PRDM16: variants seen among roughly 807,000 people sequenced by gnomAD.
PRDM16 encodes histone-lysine N-methyltransferase PRDM16.
PRDM16 carries 23 observed loss-of-function variants against 110.6 expected under a neutral mutation model. That is an observed-to-expected ratio of 0.21 (90% CI 0.15 to 0.29). The LOEUF is 0.29. Among genes scored for constraint, PRDM16 ranks in the 10% least tolerant of loss-of-function variants. The pLI, the probability that PRDM16 is intolerant of heterozygous loss-of-function variation, is 1.00. For missense variants in PRDM16, 1,615 were observed against 1,794.3 expected (o/e 0.90, Z 1.81); for synonymous variants, 799 against 781.8 (o/e 1.02, Z -0.37).
Position 3,411,729 on chromosome 1 carries a change from C to G in PRDM16, c.1532C>G (p.Thr511Ser). ...STAPPTFPAL[T>S]PGFPGIFPPS... ...GCGCCTCCCACGTTCCCCGCACTCA[C>G]CCCCGGCTTCCCGGGCATCTTCCCT... The change falls in exon 9 of 17, where the codon ACC becomes AGC. Residue 511 changes from threonine to serine, a missense_variant. By Grantham distance (58) the Thr-to-Ser change is moderately conservative (BLOSUM62 1). Coordinates refer to ENST00000270722, the MANE Select transcript of PRDM16 (RefSeq NM_022114.4). 6.2e-7 allele frequency: 1 copy of G among 1,610,838 alleles called. No homozygotes were observed. The highest frequency in any genetic ancestry group is 8.5e-7 in the Non-Finnish European group (1 of 1,178,504).
intron 3 of PRDM16, among the ~76,000 whole-genome samples, chr1:3,321,935 G>A (rs979232093): frequency 6.6e-6 from 1 of 151,618 alleles, no homozygotes; most frequent in Non-Finnish European, 1.5e-5. Context: ...ACATATGCGT[G>A]TATGTTTGGC....
At chr1:3,134,712 T>C (rs1643401803) in intron 1 of PRDM16, among the ~76,000 whole-genome samples, 1 of 152,250 alleles carries the variant, frequency 6.6e-6, no homozygotes, top group Admixed American at 6.5e-5. Context: ...AAAGTGAAGA[T>C]TAAACTTAAA....
intron 2 of PRDM16, among the ~76,000 whole-genome samples, chr1:3,211,217 G>C (rs1233198177): frequency 6.6e-6 from 1 of 152,228 alleles, no homozygotes; most frequent in Non-Finnish European, 1.5e-5. Flanking sequence ...ACACAGGTCT[G>C]TTGAGAGCCT....
intron 2 of PRDM16, among the ~76,000 whole-genome samples, chr1:3,226,063 C>G (rs1639282672): frequency 6.6e-6 from 1 of 152,242 alleles, no homozygotes; most frequent in Admixed American, 6.5e-5. Flanking sequence ...GCAGGCAGCC[C>G]TCCCAGGACC....
intron 1 of PRDM16, among the ~76,000 whole-genome samples, chr1:3,120,656 C>A (rs570718238): frequency 6.6e-6 from 1 of 152,198 alleles, no homozygotes; most frequent in Non-Finnish European, 1.5e-5. Context: ...CCTGCCCTTG[C>A]GTCTCTGCGC....
intron 1 of PRDM16, among the ~76,000 whole-genome samples, chr1:3,161,748 G>A (rs942019261): frequency 6.6e-6 from 1 of 152,228 alleles, no homozygotes; most frequent in Non-Finnish European, 1.5e-5. Context: ...TTGGTGGAGG[G>A]ATTTTTGCGG....
intron 2 of PRDM16, among the ~76,000 whole-genome samples, chr1:3,227,860 G>T (rs1639325628): frequency 6.6e-6 from 1 of 152,238 alleles, no homozygotes; most frequent in Non-Finnish European, 1.5e-5. Context: ...TGGGCAGCCA[G>T]GGGCTTTAGA....
intron 3 of PRDM16, among the ~76,000 whole-genome samples, chr1:3,367,974 A>G (rs1487683754): frequency 6.6e-6 from 1 of 152,262 alleles, no homozygotes; most frequent in Non-Finnish European, 1.5e-5. Context: ...ACGTAAAAGT[A>G]AAGTCATCAT....
chr1:3,200,908 C>CAGAGGAGGAAG (rs772736290), intron 2 of PRDM16, among the ~76,000 whole-genome samples: 2 of 148,830 alleles, frequency 1.3e-5, no homozygotes, highest in South Asian at 4.2e-4. Flanking sequence ...GAACCGGGGG[C>CAGAGGAGGAAG]AGAGGAGGAA....
chr1:3,119,435 C>T (rs1643041561), intron 1 of PRDM16, among the ~76,000 whole-genome samples: 1 of 152,242 alleles, frequency 6.6e-6, no homozygotes, highest in African/African-American at 2.4e-5. Flanking sequence ...CCCTGGCCTC[C>T]ACAGCCGCCT....
At position 3,131,718 on chromosome 1, in the gene PRDM16, G is replaced by A. The variant is rs188493737; in HGVS notation, c.38-54407G>A. On this transcript the variant is annotated intron_variant, in intron 1 of 16. Transcript: ENST00000270722. The stretch of plus-strand genomic sequence containing the variant: ...GATAAGCTGAGGCATCCCCATTTGA[G>A]GCTGAGGTGATGGTGTGGTGCAGGC... Among the ~76,000 whole-genome samples the A allele has an allele frequency of 5.0e-3, 758 of 152,330 alleles. 4 individuals carry two copies. The highest frequency in any genetic ancestry group is 7.7e-3 in the Non-Finnish European group (524 of 68,032).
intron 3 of PRDM16, among the ~76,000 whole-genome samples, chr1:3,274,013 A>G (rs1206187972): frequency 6.6e-6 from 1 of 150,790 alleles, no homozygotes; most frequent in Non-Finnish European, 1.5e-5. Flanking sequence ...ACTGAAAGGG[A>G]ACCAGCCGCA....
At position 3,245,761 on chromosome 1, in the gene PRDM16, G is replaced by A. The variant is rs541662523; in HGVS notation, c.438+1624G>A. On this transcript the variant is annotated intron_variant, in intron 3 of 16. Transcript: ENST00000270722. This position sits in a 1 kb window ranked among gnomAD's most constrained non-coding sequence, Gnocchi z 4.7. ...TTTTCTTAAAGGACATAGAGGAGCAGGAAACAGTTAGCAGCGCTGCTGTAT... is the reference window on the plus strand; with the variant it reads ...TTTTCTTAAAGGACATAGAGGAGCAAGAAACAGTTAGCAGCGCTGCTGTAT... Among the ~76,000 whole-genome samples the A allele has an allele frequency of 1.4e-3, 210 of 152,254 alleles. No homozygotes were observed. The highest frequency in any genetic ancestry group is 4.8e-3 in the African/African-American group (200 of 41,526).
At chr1:3,269,265 G>A (rs1276952219) in intron 3 of PRDM16, among the ~76,000 whole-genome samples, 1 of 152,244 alleles carries the variant, frequency 6.6e-6, no homozygotes, top group Non-Finnish European at 1.5e-5. Context: ...AATCCCGGAG[G>A]AGGACAGTCG....
At chr1:3,247,654 G>A (rs1639819162) in intron 3 of PRDM16, among the ~76,000 whole-genome samples, 1 of 152,218 alleles carries the variant, frequency 6.6e-6, no homozygotes, top group Admixed American at 6.5e-5. Context: ...CGTTCACTCC[G>A]CAGCCCTTGC....
chr1:3,277,740 C>T (rs551349584), intron 3 of PRDM16, among the ~76,000 whole-genome samples: 108 of 147,726 alleles, frequency 7.3e-4, no homozygotes, highest in African/African-American at 2.4e-3. Context: ...CGCGCACACA[C>T]GCACACGCAC....
chr1:3,310,835 T>A (rs892990098), intron 3 of PRDM16, among the ~76,000 whole-genome samples: 3 of 152,086 alleles, frequency 2.0e-5, no homozygotes, highest in Admixed American at 6.5e-5. Context: ...CTGGTGTGGA[T>A]TGTGCATATG....
chr1:3,155,425 G>A (rs552776036), intron 1 of PRDM16, among the ~76,000 whole-genome samples: 1 of 152,386 alleles, frequency 6.6e-6, no homozygotes, highest in Admixed American at 6.5e-5. Flanking sequence ...TTATCTGCGT[G>A]GTTGGTGGTA....
intron 3 of PRDM16, among the ~76,000 whole-genome samples, chr1:3,320,651 G>A (rs952250240): frequency 2.0e-5 from 3 of 152,190 alleles, no homozygotes; most frequent in African/African-American, 7.2e-5. Flanking sequence ...TCACGCTGTT[G>A]GAAAGCCCAG....
Sources: gnomAD v4.1 joint callset for allele counts (sites outside exome capture counted in the v4.1 genomes callset) on GRCh38, gnomAD v4.1.1 for gene constraint, Gnocchi (gnomAD v3.1) non-coding constraint, MANE v1.5 for transcripts, NCBI Gene and HGNC (gene_info 2026-07-23, HGNC 2026-07-21) for gene names.